AKT3: variants seen among roughly 807,000 people sequenced by gnomAD.
AKT3 encodes the protein RAC-gamma serine/threonine-protein kinase.
In AKT3, 15 loss-of-function variants were observed where a neutral mutation model predicts 65.3. The observed-to-expected ratio is 0.23, with a 90% confidence interval of 0.15 to 0.35. AKT3 has a LOEUF of 0.35. Ranked by LOEUF, AKT3 falls within the 10% of genes least tolerant of loss-of-function variation. The probability of loss-of-function intolerance (pLI) is 1.00; values close to 1 mark genes in which losing one functional copy is unlikely to be tolerated. For missense variants in AKT3, 243 were observed against 576.5 expected, an observed-to-expected ratio of 0.42 and a Z score of 5.92; for synonymous variants, 206 against 183.8, an observed-to-expected ratio of 1.12 and a Z score of -0.98.
intron 3 of AKT3, among the ~76,000 whole-genome samples, chr1:243,670,464 G>T (rs1438744882): frequency 3.3e-5 from 5 of 152,146 alleles, no homozygotes; most frequent in Admixed American, 3.3e-4. Flanking sequence ...TAAAGGAAAT[G>T]GTGGTTAATA....
downstream of AKT3, among the ~76,000 whole-genome samples, chr1:243,497,432 GC>G (rs1309823997): frequency 6.6e-6 from 1 of 151,348 alleles, no homozygotes; most frequent in Non-Finnish European, 1.5e-5. Context: ...GAAATACAAA[GC>G]CCATAGAGAT....
chr1:243,528,740 G>C (rs1047911272), intron 12 of AKT3, among the ~76,000 whole-genome samples: 1 of 152,188 alleles, frequency 6.6e-6, no homozygotes, highest in Non-Finnish European at 1.5e-5. Flanking sequence ...CATTTAGGTT[G>C]ATCCCATGTC....
chr1:243,825,736 G>A (rs192929315), intron 2 of AKT3, among the ~76,000 whole-genome samples: 1 of 152,198 alleles, frequency 6.6e-6, no homozygotes, highest in East Asian at 1.9e-4. Context: ...CTACAAACAG[G>A]AATTTGGATT....
chr1:243,847,023 C>G (rs942536422), intron 1 of AKT3, among the ~76,000 whole-genome samples: 17 of 152,144 alleles, frequency 1.1e-4, no homozygotes, highest in Admixed American at 9.8e-4. Context: ...TGTAAAAGAT[C>G]AGGACAAAGT....
chr1:243,658,114 A>G (rs1245003600), intron 4 of AKT3, among the ~76,000 whole-genome samples: 1 of 152,178 alleles, frequency 6.6e-6, no homozygotes, highest in Non-Finnish European at 1.5e-5. Context: ...GAGTAGAAGT[A>G]TATCAAAATA....
At chr1:243,661,798 C>T (rs1208083028) in intron 4 of AKT3, among the ~76,000 whole-genome samples, 5 of 149,708 alleles carry the variant, frequency 3.3e-5, no homozygotes, top group Non-Finnish European at 6.0e-5. Flanking sequence ...ATTTTCACAA[C>T]CTACTCATCT....
Position 243,500,783 on chromosome 1 carries a change from T to C in AKT3, c.*4466A>G, listed in dbSNP as rs1412592943. Reference sequence around the variant, plus strand: ...GGATTAGGCTTTGGAGGCGGTGGCATGATCTACACACAGAGACCATTTGAA... The same window carrying C: ...GGATTAGGCTTTGGAGGCGGTGGCACGATCTACACACAGAGACCATTTGAA... On this transcript the variant is annotated 3_prime_UTR_variant, in exon 14 of 14. Coordinates refer to ENST00000673466, the MANE Select transcript of AKT3 (RefSeq NM_005465.7). 1 of 179,036 alleles carries C rather than the reference T, an allele frequency of 5.6e-6. No homozygotes were observed. The highest frequency in any genetic ancestry group is 1.1e-5 in the Non-Finnish European group (1 of 92,048). 11.1% of individuals were successfully genotyped at this position (179,036 alleles called of 1,614,324 possible).
chr1:243,823,185 T>C (rs1051274372), intron 2 of AKT3, among the ~76,000 whole-genome samples: 11 of 152,042 alleles, frequency 7.2e-5, no homozygotes, highest in Non-Finnish European at 1.5e-4. Context: ...AACCACATGA[T>C]TATCTCAAAA....
rs114274613 is a variant in AKT3, at chr1:243,701,399, T to A, written c.47-5683A>T. ...AAAGGTAGAAAGATGTGAAGTGAGC[T>A]GGGTACTGGTTGAGAATACTGCAGA... is the stretch of plus-strand genomic sequence containing the variant. On this transcript the variant is annotated intron_variant, in intron 2 of 13. Transcript: ENST00000673466. Among the ~76,000 whole-genome samples the A allele has an allele frequency of 5.6e-3, 858 of 152,296 alleles. 6 individuals carry two copies. Among genetic ancestry groups the A allele is most frequent in the Non-Finnish European group, 7.3e-3 (499 of 68,022 alleles).
chr1:243,612,134 G>C (rs1353061824), intron 8 of AKT3, among the ~76,000 whole-genome samples: 1 of 151,698 alleles, frequency 6.6e-6, no homozygotes, highest in Non-Finnish European at 1.5e-5. Flanking sequence ...TTTGAGACCA[G>C]GTAATGCTCT....
chr1:243,518,373 G>A (rs993584649), intron 12 of AKT3, among the ~76,000 whole-genome samples: 1 of 152,046 alleles, frequency 6.6e-6, no homozygotes, highest in African/African-American at 2.4e-5. Flanking sequence ...AGTGGCTCAT[G>A]CCTGTAATCC....
At position 243,500,937 on chromosome 1, in the gene AKT3, C is replaced by CTGTT. The variant is rs1325922103; in HGVS notation, c.*4308_*4311dup. 2 of 227,576 alleles carry CTGTT rather than the reference C, an allele frequency of 8.8e-6. No individual in the cohort carries two copies. Among genetic ancestry groups the CTGTT allele is most frequent in the Non-Finnish European group, 1.7e-5 (2 of 114,650 alleles). 14.1% of individuals were successfully genotyped at this position (227,576 alleles called of 1,614,324 possible). ...TAAGATATTTTAATTGTCCTTAATT[C>CTGTT]TGTTTTAGATATACTGTGAATAAAT... On this transcript the variant is annotated 3_prime_UTR_variant, in exon 14 of 14. Coordinates refer to ENST00000673466, the MANE Select transcript of AKT3 (RefSeq NM_005465.7).
At chr1:243,553,021 A>T (rs970640422) in intron 10 of AKT3, 78 bp from the exon 11 acceptor site, 30 of 1,175,998 alleles carry the variant, frequency 2.6e-5, no homozygotes, top group Non-Finnish European at 3.5e-5. Flanking sequence ...TAAGATTTTT[A>T]CATAAAAATG....
intron 2 of AKT3, among the ~76,000 whole-genome samples, chr1:243,828,062 T>TAAAAAC (rs1694275793): frequency 1.4e-5 from 1 of 71,060 alleles, no homozygotes; most frequent in African/African-American, 4.8e-5. Flanking sequence ...AAGAATGTTT[T>TAAAAAC]AAAAACAACA....
At chr1:243,518,447 A>C (rs761991902) in intron 12 of AKT3, among the ~76,000 whole-genome samples, 30 of 152,304 alleles carry the variant, frequency 2.0e-4, no homozygotes, top group Admixed American at 1.1e-3. Context: ...CAACATGGTG[A>C]AACCCCATCT....
At chr1:243,710,517 A>G (rs976629315) in intron 2 of AKT3, among the ~76,000 whole-genome samples, 1 of 152,148 alleles carries the variant, frequency 6.6e-6, no homozygotes, top group African/African-American at 2.4e-5. Flanking sequence ...TAGTCACTAT[A>G]CCCCGTCCTA....
chr1:243,848,155 G>T (rs1027693833), intron 1 of AKT3, among the ~76,000 whole-genome samples: 9 of 152,016 alleles, frequency 5.9e-5, no homozygotes, highest in African/African-American at 2.2e-4. Flanking sequence ...CTTTAAAACT[G>T]GAACCTCAAG....
At chr1:243,699,058 G>A (rs1685248589) in intron 2 of AKT3, among the ~76,000 whole-genome samples, 1 of 152,100 alleles carries the variant, frequency 6.6e-6, no homozygotes, top group Non-Finnish European at 1.5e-5. Context: ...GGCACGTGTT[G>A]TCAGGTTGTT....
chr1:243,687,507 T>C lies in AKT3; in HGVS notation c.172+8084A>G, dbSNP rs570399555. 6 of 152,320 alleles carry C rather than the reference T, an allele frequency of 3.9e-5. No homozygotes were observed. The East Asian group carries it at 5.8e-4, about 15-fold the overall frequency. 9.4% of individuals were successfully genotyped at this position (152,320 alleles called of 1,614,324 possible). ...GTTATGATTATAAAGGAGATAACAC[T>C]GATGAAATCTTTCAGAGATGCAGAG... is the stretch of plus-strand genomic sequence containing the variant. On this transcript the variant is annotated intron_variant, in intron 3 of 13. Coordinates refer to ENST00000673466, the MANE Select transcript of AKT3 (RefSeq NM_005465.7).
Sources: allele counts gnomAD v4.1 joint callset (sites outside exome capture counted in the v4.1 genomes callset), GRCh38; gene constraint gnomAD v4.1.1; transcripts MANE v1.5; gene names NCBI Gene and HGNC (gene_info 2026-07-23, HGNC 2026-07-21).